SKAP2: variants seen among roughly 807,000 people sequenced by gnomAD.
The protein encoded by SKAP2 is src kinase-associated phosphoprotein 2.
In SKAP2, 28 loss-of-function variants were observed where a neutral mutation model predicts 54.9. The ratio of observed to expected loss-of-function variants is 0.51; its 90% CI spans 0.38 to 0.70. The LOEUF (loss-of-function observed/expected upper bound fraction) is 0.70. SKAP2 is among the 30% of genes least tolerant of loss of function. SKAP2 has a pLI of 0.00. For synonymous variants in SKAP2, 137 were observed against 134.3 expected (o/e 1.02, Z -0.14); for missense variants, 356 against 424.1 (o/e 0.84, Z 1.41).
chr7:26,805,246 A>G (rs760027892), intron 4 of SKAP2, among the ~76,000 whole-genome samples: 4 of 152,246 alleles, frequency 2.6e-5, no homozygotes, highest in Admixed American at 6.5e-5. Context: ...ATGATGTCAT[A>G]TATGTACAGA....
At chr7:26,656,499 G>T in the SKAP2 span, among the ~76,000 whole-genome samples, 1 of 152,126 alleles carries the variant, frequency 6.6e-6, no homozygotes, top group Non-Finnish European at 1.5e-5. Flanking sequence ...GCAGACAAGT[G>T]TACAAACAAA....
intron 4 of SKAP2, among the ~76,000 whole-genome samples, chr7:26,743,722 C>T (rs572843895): frequency 1.2e-3 from 185 of 152,188 alleles, no homozygotes; most frequent in African/African-American, 2.9e-3. Context: ...ACATTAAAAT[C>T]GACACCCTAC....
chr7:26,707,501 C>T (rs1787190451), intron 9 of SKAP2, among the ~76,000 whole-genome samples: 1 of 152,148 alleles, frequency 6.6e-6, no homozygotes, highest in East Asian at 1.9e-4. Context: ...GTTTCTAAAT[C>T]AAGCACTTAT....
In SKAP2 at chr7:26,668,028, T is replaced by A. The variant is rs1042389788; in HGVS notation, c.*1638A>T. On this transcript the variant is annotated 3_prime_UTR_variant, in exon 13 of 13. Coordinates refer to ENST00000345317, the MANE Select transcript of SKAP2 (RefSeq NM_003930.5). ...CAATGTCTCTCTATATAAACTTGTT[T>A]ACTCACAATCCCTAAAATCAAATTT... 6.6e-6 allele frequency: 1 copy of A among 152,060 alleles called. No individual in the cohort carries two copies. Among genetic ancestry groups the A allele is most frequent in the African/African-American group, 2.4e-5 (1 of 41,430 alleles). The allele number at this position is 152,060 out of a possible 1,614,324, so 9.4% of individuals were successfully genotyped here.
At position 26,747,590 on chromosome 7, in the gene SKAP2, T is replaced by G. The variant is rs1782584280; in HGVS notation, c.308-7626A>C. 2.6e-5 allele frequency among the ~76,000 whole-genome samples: 4 copies of G among 152,184 alleles called. 1 individual carries two copies. In the South Asian group the frequency reaches 8.3e-4, roughly 31 times the overall value. ...AAATTTTCACTATGCCTTCAATAGG[T>G]CTATTTAGAACAAAAGAAGACAGTA... is the stretch of plus-strand genomic sequence containing the variant. On this transcript the variant is annotated intron_variant, in intron 4 of 12. Transcript: ENST00000345317.
At chr7:26,787,247 C>T (rs967690541) in intron 4 of SKAP2, among the ~76,000 whole-genome samples, 3 of 151,880 alleles carry the variant, frequency 2.0e-5, no homozygotes, top group Non-Finnish European at 2.9e-5. Flanking sequence ...AAAGAGGTTT[C>T]GTTGGCTTAC....
chr7:26,773,268 A>G (rs935485780), intron 4 of SKAP2, among the ~76,000 whole-genome samples: 1 of 152,220 alleles, frequency 6.6e-6, no homozygotes, highest in Non-Finnish European at 1.5e-5. Context: ...TTCTCTTCCT[A>G]TCTCTCCATT....
Position 26,798,525 on chromosome 7 carries a change from A to G in SKAP2, c.307+45505T>C, listed in dbSNP as rs894864368. On this transcript the variant is annotated intron_variant, in intron 4 of 12. Coordinates refer to ENST00000345317, the MANE Select transcript of SKAP2 (RefSeq NM_003930.5). ...AAGAAATGCAACCGGAAGTACTTCA[A>G]TCAGAAAGAAAAGGACATTAATGAG... Among the ~76,000 whole-genome samples the G allele has an allele frequency of 7.2e-5, 11 of 152,170 alleles. No homozygotes were observed. The East Asian group carries it at 1.7e-3, about 24-fold the overall frequency.
At chr7:26,703,138 T>C (rs1787079571) in intron 9 of SKAP2, among the ~76,000 whole-genome samples, 1 of 152,186 alleles carries the variant, frequency 6.6e-6, no homozygotes, top group South Asian at 2.1e-4. Context: ...AAGGCACAGG[T>C]GTCCAACCTT....
chr7:26,715,367 C>T (rs1787406530), intron 9 of SKAP2, among the ~76,000 whole-genome samples: 1 of 151,582 alleles, frequency 6.6e-6, no homozygotes, highest in African/African-American at 2.4e-5. Context: ...GGATCTTTTT[C>T]TCTTGTTAAA....
intron 3 of SKAP2, among the ~76,000 whole-genome samples, chr7:26,849,858 GA>G (rs1380344749): frequency 1.3e-5 from 2 of 151,952 alleles, no homozygotes; most frequent in East Asian, 3.9e-4. Flanking sequence ...AAATCTTCTT[GA>G]CAAATGAAGT....
intron 4 of SKAP2, among the ~76,000 whole-genome samples, chr7:26,750,564 G>A (rs1377974976): frequency 6.6e-6 from 1 of 152,000 alleles, no homozygotes; most frequent in Non-Finnish European, 1.5e-5. Flanking sequence ...ACCCACCTTG[G>A]CCTCCCAAAG....
intron 3 of SKAP2, among the ~76,000 whole-genome samples, chr7:26,848,244 G>C (rs1657004854): frequency 6.6e-6 from 1 of 152,084 alleles, no homozygotes; most frequent in Admixed American, 6.5e-5. Flanking sequence ...TTTGTTGCTT[G>C]TTTTTTCAAA....
chr7:26,698,776 T>C (rs1786956091), intron 9 of SKAP2, among the ~76,000 whole-genome samples: 1 of 152,286 alleles, frequency 6.6e-6, no homozygotes. Flanking sequence ...CAAAAGTAAA[T>C]GAAATAAGCT....
intron 9 of SKAP2, among the ~76,000 whole-genome samples, chr7:26,692,598 T>C (rs1292066277): frequency 6.6e-6 from 1 of 152,242 alleles, no homozygotes; most frequent in Non-Finnish European, 1.5e-5. Flanking sequence ...TGGCATTTTA[T>C]TCATATTGTT....
intron 4 of SKAP2, among the ~76,000 whole-genome samples, chr7:26,784,097 G>A (rs896999171): frequency 2.0e-5 from 3 of 150,656 alleles, no homozygotes; most frequent in African/African-American, 4.9e-5. Context: ...CAGTTAGGGA[G>A]GCACTAACCT....
At chr7:26,738,383 A>G (rs944547272) in intron 6 of SKAP2, among the ~76,000 whole-genome samples, 2 of 152,200 alleles carry the variant, frequency 1.3e-5, no homozygotes, top group Non-Finnish European at 2.9e-5. Context: ...GGAGCTCAGA[A>G]AGGTGCTGTT....
intron 4 of SKAP2, among the ~76,000 whole-genome samples, chr7:26,832,975 A>G (rs1784626940): frequency 6.6e-6 from 1 of 152,162 alleles, no homozygotes; most frequent in Non-Finnish European, 1.5e-5. Context: ...GCTAAATCCC[A>G]AACTCCACTC....
chr7:26,684,753 T>A lies in SKAP2; in HGVS notation c.970A>T (p.Ile324Phe). The A allele has an allele frequency of 6.2e-7, 1 of 1,609,202 alleles. No homozygotes were observed. Among genetic ancestry groups the A allele is most frequent in the Non-Finnish European group, 8.5e-7 (1 of 1,175,938 alleles). The change falls in exon 11 of 13, where the codon ATT becomes TTT. Residue 324 changes from isoleucine to phenylalanine, a missense_variant. Physicochemically the swap from Ile to Phe is conservative, Grantham distance 21 (BLOSUM62 0). Transcript: ENST00000345317. ...DELSFKRGDV[I>F]YILSKEYNRY... Reference sequence around the variant, plus strand: ...CTTCTTACCTTGCTAAGAATGTAAATCACATCACCACGCTTAAATGACAAC... The same window carrying A: ...CTTCTTACCTTGCTAAGAATGTAAAACACATCACCACGCTTAAATGACAAC...
Sources: allele counts gnomAD v4.1 joint callset (sites outside exome capture counted in the v4.1 genomes callset), GRCh38; gene constraint gnomAD v4.1.1; transcripts MANE v1.5; gene names NCBI Gene and HGNC (gene_info 2026-07-23, HGNC 2026-07-21).